PDE6D: variants seen among roughly 807,000 people sequenced by gnomAD.
PDE6D encodes retinal rod rhodopsin-sensitive cGMP 3',5'-cyclic phosphodiesterase subunit delta.
Under a neutral mutation model 21.9 loss-of-function variants are expected in PDE6D, and 10 were observed. The ratio of observed to expected loss-of-function variants is 0.46; its 90% CI spans 0.28 to 0.78. The LOEUF is 0.78. Among genes scored for constraint, PDE6D ranks in the 30% least tolerant of loss-of-function variants. The pLI, the probability that PDE6D is intolerant of heterozygous loss-of-function variation, is 0.12. For synonymous variants in PDE6D, 59 were observed against 63.5 expected, an observed-to-expected ratio of 0.93 and a Z score of 0.34; for missense variants, 139 against 184.8, an observed-to-expected ratio of 0.75 and a Z score of 1.44.
chr2:231,764,251 TCAA>T (rs920770982), intron 1 of PDE6D, among the ~76,000 whole-genome samples: 5 of 152,128 alleles, frequency 3.3e-5, no homozygotes, highest in South Asian at 2.1e-4. Flanking sequence ...AGACTGTGTC[TCAA>T]CAACAACAAC....
chr2:231,733,449 TG>T (rs2048668405), intron 4 of PDE6D, among the ~76,000 whole-genome samples: 1 of 152,212 alleles, frequency 6.6e-6, no homozygotes, highest in East Asian at 1.9e-4. Flanking sequence ...AGTCGAAAGG[TG>T]GGCTTTGGCC....
intron 1 of PDE6D, among the ~76,000 whole-genome samples, chr2:231,774,175 C>T (rs1289597504): frequency 6.6e-6 from 1 of 152,098 alleles, no homozygotes; most frequent in Non-Finnish European, 1.5e-5. Context: ...TCAGGTGATC[C>T]ACCCACCTCG....
At chr2:231,766,225 G>T (rs2048969733) in intron 1 of PDE6D, among the ~76,000 whole-genome samples, 1 of 152,192 alleles carries the variant, frequency 6.6e-6, no homozygotes, top group African/African-American at 2.4e-5. Context: ...TGCTTGGAAA[G>T]TATACAATCA....
intron 1 of PDE6D, among the ~76,000 whole-genome samples, chr2:231,758,169 TAGAC>T (rs1439201376): frequency 3.3e-5 from 5 of 152,120 alleles, no homozygotes; most frequent in Non-Finnish European, 5.9e-5. Context: ...GCATCTTAGA[TAGAC>T]AGACAGATAG....
chr2:231,748,177 A>G (rs1003100943), intron 1 of PDE6D, among the ~76,000 whole-genome samples: 1 of 152,138 alleles, frequency 6.6e-6, no homozygotes, highest in Admixed American at 6.5e-5. Flanking sequence ...AAGGGCTCAG[A>G]AGAAGACAGG....
intron 1 of PDE6D, among the ~76,000 whole-genome samples, chr2:231,771,987 A>G (rs1485846003): frequency 6.6e-6 from 1 of 152,194 alleles, no homozygotes. Context: ...TGCTTAAAAC[A>G]CTTTCTGGAA....
intron 1 of PDE6D, among the ~76,000 whole-genome samples, chr2:231,745,762 T>C (rs2106266824): frequency 6.6e-6 from 1 of 152,320 alleles, no homozygotes; most frequent in Admixed American, 6.5e-5. Flanking sequence ...TGGGTGACAC[T>C]TGGCTCAACA....
rs1002435861 is a variant in PDE6D at position 231,739,398 on chromosome 2, A to G, written c.51-210T>C. Reference sequence around the variant, plus strand: ...AAACCTAGAGAAGTTACTTTTATCTATGAGAATCCTAAGACTGCACACACC... The same window carrying G: ...AAACCTAGAGAAGTTACTTTTATCTGTGAGAATCCTAAGACTGCACACACC... On this transcript the variant is annotated intron_variant, in intron 1 of 4. Transcript: ENST00000287600. This position sits in a 1 kb window ranked among gnomAD's most constrained non-coding sequence, Gnocchi z 4.2. The G allele has an allele frequency of 5.7e-5, 38 of 669,782 alleles. No homozygotes were observed. Among genetic ancestry groups the G allele is most frequent in the African/African-American group, 1.8e-4 (10 of 56,668 alleles). 41.5% of individuals were successfully genotyped at this position (669,782 alleles called of 1,614,324 possible).
chr2:231,742,660 C>CT (rs964493784), intron 1 of PDE6D, among the ~76,000 whole-genome samples: 9 of 151,852 alleles, frequency 5.9e-5, no homozygotes, highest in Non-Finnish European at 7.4e-5. Context: ...TTACATGTGT[C>CT]TTTTTTTTGG....
At chr2:231,761,901 C>A (rs192559469) in intron 1 of PDE6D, among the ~76,000 whole-genome samples, 46 of 152,284 alleles carry the variant, frequency 3.0e-4, no homozygotes, top group Middle Eastern at 3.4e-3. Context: ...ACACTACATA[C>A]CCTTGGGAAC....
intron 1 of PDE6D, among the ~76,000 whole-genome samples, chr2:231,744,977 T>C (rs903001036): frequency 1.6e-4 from 25 of 152,050 alleles, no homozygotes; most frequent in African/African-American, 5.6e-4. Flanking sequence ...TCCAACGACG[T>C]TGGGATTGAG....
chr2:231,744,110 G>A (rs2048772734), intron 1 of PDE6D, among the ~76,000 whole-genome samples: 1 of 152,184 alleles, frequency 6.6e-6, no homozygotes. Flanking sequence ...GGCAGATGAG[G>A]CATTCTAGCA....
intron 3 of PDE6D, 70 bp downstream of exon 3, chr2:231,737,943 C>A: frequency 1.4e-6 from 2 of 1,431,898 alleles, no homozygotes; most frequent in South Asian, 2.5e-5. Context: ...TGCTTTAGTT[C>A]ACTGGGTATT....
Position 231,739,389 on chromosome 2 carries a change from C to T in PDE6D, c.51-201G>A, listed in dbSNP as rs2106262167. 1.4e-6 allele frequency: 1 copy of T among 691,048 alleles called. No homozygotes were observed. Among genetic ancestry groups the T allele is most frequent in the South Asian group, 1.4e-5 (1 of 71,472 alleles). 42.8% of individuals were successfully genotyped at this position (691,048 alleles called of 1,614,324 possible). ...AAGAAGCAGAAACCTAGAGAAGTTA[C>T]TTTTATCTATGAGAATCCTAAGACT... On this transcript the variant is annotated intron_variant, in intron 1 of 4. Coordinates refer to ENST00000287600, the MANE Select transcript of PDE6D (RefSeq NM_002601.4). The surrounding 1 kb of genome is among the most constrained non-coding windows in gnomAD (Gnocchi z 4.2).
In PDE6D at chr2:231,739,893, G is replaced by A. The variant is rs1399849086; in HGVS notation, c.51-705C>T. 2.6e-5 allele frequency among the ~76,000 whole-genome samples: 4 copies of A among 152,036 alleles called. No individual in the cohort carries two copies. The highest frequency in any genetic ancestry group is 5.9e-5 in the Non-Finnish European group (4 of 68,018). ...GTGATCTGTCTGCCTCAGCCTCTGA[G>A]TGCCCTGTTTTTAAATATGAGAAGA... On this transcript the variant is annotated intron_variant, in intron 1 of 4. Transcript: ENST00000287600. This position sits in a 1 kb window ranked among gnomAD's most constrained non-coding sequence, Gnocchi z 4.2.
At chr2:231,763,324 A>G (rs1035810290) in intron 1 of PDE6D, among the ~76,000 whole-genome samples, 6 of 152,302 alleles carry the variant, frequency 3.9e-5, no homozygotes, top group South Asian at 2.1e-4. Flanking sequence ...TTTCCCTCCA[A>G]TTCTCCAAAG....
chr2:231,774,123 G>A (rs1251220662), intron 1 of PDE6D, among the ~76,000 whole-genome samples: 2 of 151,950 alleles, frequency 1.3e-5, no homozygotes, highest in Non-Finnish European at 2.9e-5. Flanking sequence ...AGTAGAGACG[G>A]GATTTCACCA....
chr2:231,775,487 G>GTTT (rs57179824), intron 1 of PDE6D, among the ~76,000 whole-genome samples: 1 of 136,484 alleles, frequency 7.3e-6, no homozygotes, highest in Non-Finnish European at 1.6e-5. Context: ...TTTTGTGTGT[G>GTTT]TTTTTTTTTT....
chr2:231,735,134 C>A (rs927473137), intron 4 of PDE6D, among the ~76,000 whole-genome samples: 7 of 146,690 alleles, frequency 4.8e-5, no homozygotes, highest in Non-Finnish European at 9.0e-5. Flanking sequence ...CCCAGCTACT[C>A]GGAAGGCTGA....
Sources: gnomAD v4.1 joint callset for allele counts (sites outside exome capture counted in the v4.1 genomes callset) on GRCh38, gnomAD v4.1.1 for gene constraint, Gnocchi (gnomAD v3.1) non-coding constraint, MANE v1.5 for transcripts, NCBI Gene and HGNC (gene_info 2026-07-23, HGNC 2026-07-21) for gene names.